LRIG1: variants seen among roughly 807,000 people sequenced by gnomAD.
LRIG1 encodes leucine rich repeats and immunoglobulin like domains 1, also known as leucine-rich repeats and immunoglobulin-like domains protein 1.
In LRIG1, 48 loss-of-function variants were observed where a neutral mutation model predicts 99.2. The ratio of observed to expected loss-of-function variants is 0.48; its 90% CI spans 0.38 to 0.62. LRIG1 has a LOEUF of 0.62. LRIG1 is among the 20% of genes least tolerant of loss of function. The pLI, the probability that LRIG1 is intolerant of heterozygous loss-of-function variation, is 0.00. For missense variants in LRIG1, 1,646 were observed against 1,434.4 expected (o/e 1.15, Z -2.38); for synonymous variants, 772 against 596.1 (o/e 1.29, Z -4.30).
chr3:66,398,252 C>G, intron 10 of LRIG1, 69 bp from the exon 11 acceptor site: 1 of 1,244,872 alleles, frequency 8.0e-7, no homozygotes, highest in South Asian at 1.2e-5. Flanking sequence ...CAGGACAGTC[C>G]TGGTTTCACA....
intron 7 of LRIG1, among the ~76,000 whole-genome samples, chr3:66,408,209 T>C (rs13089462): frequency 0.22 from 33,324 of 152,112 alleles, 3,849 homozygotes; most frequent in Admixed American, 0.28. Context: ...GGGGCAGGGA[T>C]AGGAAGATGG....
At chr3:66,383,882 G>T in intron 14 of LRIG1, 109 bp downstream of exon 14, 1 of 1,439,718 alleles carries the variant, frequency 6.9e-7, no homozygotes, top group Non-Finnish European at 9.2e-7. Flanking sequence ...TTCAAACAGG[G>T]TCGAAAGGCC....
intron 3 of LRIG1, among the ~76,000 whole-genome samples, chr3:66,432,520 T>C (rs1409234863): frequency 3.9e-5 from 6 of 152,188 alleles, no homozygotes; most frequent in Non-Finnish European, 8.8e-5. Context: ...GCTCTTAACA[T>C]CTTCCCTCAT....
chr3:66,498,575 A>C (rs1005866872), intron 1 of LRIG1, among the ~76,000 whole-genome samples: 2 of 152,104 alleles, frequency 1.3e-5, no homozygotes, highest in East Asian at 1.9e-4. Context: ...AAAAAAAAAA[A>C]AAAAAACTAC....
At chr3:66,446,482 T>C (rs1703730970) in intron 3 of LRIG1, among the ~76,000 whole-genome samples, 1 of 146,452 alleles carries the variant, frequency 6.8e-6, no homozygotes, top group Admixed American at 6.9e-5. Context: ...CTTAGCTCAC[T>C]GCAACCTCCG....
rs575444734 is a variant in LRIG1 at position 66,448,513 on chromosome 3, C to T, written c.365+3046G>A. ...CATTATTGCCCCTACTCTCAACTTT[C>T]GGGTCACAAAGAGAATACACAAGCT... On this transcript the variant is annotated intron_variant, in intron 3 of 18. Coordinates refer to ENST00000273261, the MANE Select transcript of LRIG1 (RefSeq NM_015541.3). Among the ~76,000 whole-genome samples, 5 of 152,042 alleles carry T rather than the reference C, an allele frequency of 3.3e-5. No homozygotes were observed. In the East Asian group the frequency reaches 7.8e-4, roughly 24 times the overall value.
intron 1 of LRIG1, among the ~76,000 whole-genome samples, chr3:66,486,170 TATA>T (rs1238907698): frequency 1.3e-5 from 2 of 152,174 alleles, no homozygotes; most frequent in African/African-American, 2.4e-5. Context: ...TTGCGACAGT[TATA>T]ATAATAACAT....
At chr3:66,465,303 T>A (rs1447277952) in intron 1 of LRIG1, among the ~76,000 whole-genome samples, 2 of 150,492 alleles carry the variant, frequency 1.3e-5, no homozygotes, top group South Asian at 2.1e-4. Flanking sequence ...TGAAATAAAA[T>A]CCTCAGAGAC....
chr3:66,418,330 T>A (rs1303950557), intron 3 of LRIG1, among the ~76,000 whole-genome samples: 3 of 152,158 alleles, frequency 2.0e-5, no homozygotes, highest in Admixed American at 1.3e-4. Flanking sequence ...CCTGACCTCA[T>A]GATCCACCCG....
rs1359370061 is a variant in LRIG1 at position 66,451,485 on chromosome 3, ACC to A, written c.365+72_365+73del. Reference sequence around the variant, plus strand: ...GCACATGAACTCAAGTTATCCTGCCACCAGGTATCAGCAAGGCAACAAACACC... The same window carrying A: ...GCACATGAACTCAAGTTATCCTGCCAAGGTATCAGCAAGGCAACAAACACC... On this transcript the variant is annotated intron_variant, in intron 3 of 18. Transcript: ENST00000273261. 1.5e-3 allele frequency: 1,863 copies of A among 1,274,556 alleles called. 15 individuals carry two copies. The African/African-American group carries it at 0.022, about 15-fold the overall frequency. 79.0% of individuals were successfully genotyped at this position (1,274,556 alleles called of 1,614,324 possible). A position where few individuals can be genotyped will look rare whatever the true frequency, so the allele number is the denominator to read the frequency against.
intron 3 of LRIG1, among the ~76,000 whole-genome samples, chr3:66,433,271 TC>T (rs767111059): frequency 3.3e-5 from 5 of 152,346 alleles, no homozygotes; most frequent in Admixed American, 6.5e-5. Flanking sequence ...AGCATAGGTA[TC>T]CTCTGACTCC....
chr3:66,452,078 GC>G (rs1186048145), intron 2 of LRIG1, among the ~76,000 whole-genome samples: 2 of 152,190 alleles, frequency 1.3e-5, no homozygotes, highest in Non-Finnish European at 2.9e-5. Flanking sequence ...GTTCTGAGGG[GC>G]TTGGGACACA....
chr3:66,437,455 C>A (rs1188908714), intron 3 of LRIG1, among the ~76,000 whole-genome samples: 1 of 152,240 alleles, frequency 6.6e-6, no homozygotes, highest in Non-Finnish European at 1.5e-5. Context: ...CCTTGACACC[C>A]TGCCTGCCTC....
In LRIG1 at chr3:66,383,109, C is replaced by T. The variant is rs905838402; in HGVS notation, c.2364G>A (p.Lys788=). The T allele has an allele frequency of 1.9e-6, 3 of 1,614,260 alleles. No individual in the cohort carries two copies. Among genetic ancestry groups the T allele is most frequent in the Non-Finnish European group, 2.5e-6 (3 of 1,180,050 alleles). The change falls in exon 15 of 19, where the codon AAG becomes AAA. Residue 788 remains lysine (K), a synonymous_variant. Coordinates refer to ENST00000273261, the MANE Select transcript of LRIG1 (RefSeq NM_015541.3). ...TGAAGATGCCTACCGTGGTCCCATC[C>T]TTCCTGCAGCCTGCTGCGGGCAGGA... is the stretch of plus-strand genomic sequence containing the variant. ...LSVLPAAGCR[K]DGTTVGIFTI...
intron 3 of LRIG1, among the ~76,000 whole-genome samples, chr3:66,426,607 G>A (rs1702987946): frequency 6.6e-6 from 1 of 152,174 alleles, no homozygotes; most frequent in Non-Finnish European, 1.5e-5. Context: ...TTCTGCCAAT[G>A]TCTTTTCTAC....
chr3:66,443,337 G>GGAT (rs1703608493), intron 3 of LRIG1, among the ~76,000 whole-genome samples: 1 of 112,654 alleles, frequency 8.9e-6, no homozygotes, highest in Non-Finnish European at 2.1e-5. Flanking sequence ...GAGGGGCGGG[G>GGAT]GATGAGTGAG....
At chr3:66,451,961 C>T (rs1198520327) in intron 2 of LRIG1, among the ~76,000 whole-genome samples, 2 of 152,128 alleles carry the variant, frequency 1.3e-5, no homozygotes, top group Non-Finnish European at 2.9e-5. Context: ...ACAAAAGCGC[C>T]CCTAAGACCA....
intron 11 of LRIG1, among the ~76,000 whole-genome samples, chr3:66,397,084 GCT>G (rs1292282654): frequency 6.6e-6 from 1 of 152,202 alleles, no homozygotes; most frequent in Non-Finnish European, 1.5e-5. Flanking sequence ...ACAGACACCC[GCT>G]CCAAGATCCA....
intron 11 of LRIG1, among the ~76,000 whole-genome samples, chr3:66,395,918 C>T (rs562771680): frequency 2.8e-4 from 43 of 152,330 alleles, no homozygotes; most frequent in African/African-American, 8.2e-4. Flanking sequence ...GCACTGTTCA[C>T]GAAAGCCTAG....
Sources: allele counts gnomAD v4.1 joint callset (sites outside exome capture counted in the v4.1 genomes callset), GRCh38; gene constraint gnomAD v4.1.1; transcripts MANE v1.5; gene names NCBI Gene and HGNC (gene_info 2026-07-23, HGNC 2026-07-21).